The following UBE2E2 variants were observed in gnomAD, a reference collection of about 807,000 sequenced individuals.
UBE2E2 encodes ubiquitin conjugating enzyme E2 E2, also known as ubiquitin-conjugating enzyme E2 E2.
In UBE2E2, 6 loss-of-function variants were observed where a neutral mutation model predicts 24.7. The observed-to-expected ratio is 0.24, with a 90% CI of 0.13 to 0.48. The LOEUF (loss-of-function observed/expected upper bound fraction) is 0.48. Ranked by LOEUF, UBE2E2 falls within the 20% of genes least tolerant of loss-of-function variation. UBE2E2 has a pLI of 0.99. For synonymous variants in UBE2E2, 104 were observed against 83.6 expected, an observed-to-expected ratio of 1.24 and a Z score of -1.33; for missense variants, 169 against 245.0, an observed-to-expected ratio of 0.69 and a Z score of 2.07.
intron 5 of UBE2E2, among the ~76,000 whole-genome samples, chr3:23,551,842 A>G (rs1325511013): frequency 6.6e-6 from 1 of 152,190 alleles, no homozygotes; most frequent in Non-Finnish European, 1.5e-5. Context: ...GTTCTCCCCA[A>G]AATTAATATG....
intron 3 of UBE2E2, among the ~76,000 whole-genome samples, chr3:23,402,447 A>G (rs1391126644): frequency 3.3e-5 from 5 of 152,204 alleles, no homozygotes; most frequent in African/African-American, 1.2e-4. Flanking sequence ...AAACTAGTGG[A>G]CATTTCCCAA....
intron 3 of UBE2E2, among the ~76,000 whole-genome samples, chr3:23,414,260 A>G (rs541878178): frequency 6.6e-6 from 1 of 152,292 alleles, no homozygotes; most frequent in African/African-American, 2.4e-5. Context: ...GAGAGACCCC[A>G]CTGGCTGGAG....
intron 3 of UBE2E2, among the ~76,000 whole-genome samples, chr3:23,366,898 C>A (rs749799256): frequency 6.6e-6 from 1 of 152,056 alleles, no homozygotes; most frequent in Non-Finnish European, 1.5e-5. Context: ...AAACTATGTT[C>A]TAATTATAGA....
chr3:23,367,854 A>G (rs1446011076), intron 3 of UBE2E2, among the ~76,000 whole-genome samples: 2 of 152,074 alleles, frequency 1.3e-5, no homozygotes, highest in African/African-American at 2.4e-5. Context: ...TCAGAATTGA[A>G]TTGGAGGACA....
intron 5 of UBE2E2, among the ~76,000 whole-genome samples, chr3:23,554,130 T>A (rs932026369): frequency 2.0e-4 from 31 of 152,166 alleles, no homozygotes; most frequent in African/African-American, 7.0e-4. Flanking sequence ...CTTCCTAATT[T>A]TAAATTTTAT....
At chr3:23,432,404 G>T (rs961331050) in intron 3 of UBE2E2, among the ~76,000 whole-genome samples, 1 of 151,976 alleles carries the variant, frequency 6.6e-6, no homozygotes, top group Non-Finnish European at 1.5e-5. Context: ...GCATTTAAAA[G>T]CAAATTTCTA....
At chr3:23,317,633 C>A (rs1264867758) in intron 3 of UBE2E2, among the ~76,000 whole-genome samples, 4 of 152,112 alleles carry the variant, frequency 2.6e-5, no homozygotes, top group Admixed American at 2.6e-4. Flanking sequence ...TGAATGGCAG[C>A]AGACAGAGAG....
At chr3:23,234,788 G>A (rs984387881) in intron 3 of UBE2E2, among the ~76,000 whole-genome samples, 2 of 152,174 alleles carry the variant, frequency 1.3e-5, no homozygotes, top group African/African-American at 4.8e-5. Context: ...AGCGGTAAGA[G>A]TTTGTCACAG....
chr3:23,310,433 G>T (rs1356411893), intron 3 of UBE2E2, among the ~76,000 whole-genome samples: 3 of 151,450 alleles, frequency 2.0e-5, no homozygotes, highest in African/African-American at 4.9e-5. Context: ...TTTCTTGTTC[G>T]TTATTGTTAC....
chr3:23,493,535 A>G (rs546223232), intron 3 of UBE2E2, among the ~76,000 whole-genome samples: 1 of 152,132 alleles, frequency 6.6e-6, no homozygotes, highest in African/African-American at 2.4e-5. Flanking sequence ...TTTTTTTCTT[A>G]TTTAAAAAAT....
chr3:23,325,210 G>A (rs1001431548), intron 3 of UBE2E2, among the ~76,000 whole-genome samples: 11 of 152,132 alleles, frequency 7.2e-5, no homozygotes, highest in African/African-American at 2.6e-4. Flanking sequence ...CCACAATAAA[G>A]CTATTGTGTG....
At chr3:23,472,995 A>G (rs978922073) in intron 3 of UBE2E2, among the ~76,000 whole-genome samples, 4 of 152,038 alleles carry the variant, frequency 2.6e-5, no homozygotes, top group African/African-American at 9.7e-5. Context: ...CTTTATTTCA[A>G]TATAATCTAT....
rs1053375502 is a variant in UBE2E2, at chr3:23,407,193, A to T, written c.228-92415A>T. Among the ~76,000 whole-genome samples, 13 of 152,254 alleles carry T rather than the reference A, an allele frequency of 8.5e-5. No individual in the cohort carries two copies. In the East Asian group the frequency reaches 2.5e-3, roughly 29 times the overall value. ...TGACTTTCAGAATGGCCTGGAAAAA[A>T]AAAAGGTCTTGACCACTGTGCAGGT... On this transcript the variant is annotated intron_variant, in intron 3 of 5. Transcript: ENST00000396703. This position sits in a 1 kb window ranked among gnomAD's most constrained non-coding sequence, Gnocchi z 4.0.
intron 3 of UBE2E2, among the ~76,000 whole-genome samples, chr3:23,283,332 G>T (rs966994791): frequency 2.0e-5 from 3 of 152,078 alleles, no homozygotes; most frequent in African/African-American, 7.2e-5. Context: ...GACTTGAAGC[G>T]TGAACCCACT....
intron 3 of UBE2E2, among the ~76,000 whole-genome samples, chr3:23,316,930 G>C (rs905951914): frequency 6.6e-6 from 1 of 152,120 alleles, no homozygotes; most frequent in Non-Finnish European, 1.5e-5. Context: ...GGGGACCTCA[G>C]GACTCTCTCT....
At chr3:23,213,290 T>G (rs938358538) in intron 2 of UBE2E2, among the ~76,000 whole-genome samples, 31 of 152,118 alleles carry the variant, frequency 2.0e-4, no homozygotes, top group African/African-American at 7.0e-4. Flanking sequence ...TCTGAACCCT[T>G]AGCCCAATAT....
intron 3 of UBE2E2, among the ~76,000 whole-genome samples, chr3:23,489,502 C>T (rs1379125773): frequency 6.6e-6 from 1 of 152,106 alleles, no homozygotes; most frequent in Non-Finnish European, 1.5e-5. Flanking sequence ...AGATGTCATA[C>T]AGCTGGTATA....
At chr3:23,575,175 G>A (rs1011812253) in intron 5 of UBE2E2, among the ~76,000 whole-genome samples, 14 of 152,140 alleles carry the variant, frequency 9.2e-5, no homozygotes, top group African/African-American at 3.4e-4. Flanking sequence ...CATATATTAT[G>A]TAGTTTGTCT....
At chr3:23,389,165 G>T (rs3104242) in intron 3 of UBE2E2, among the ~76,000 whole-genome samples, 1 of 152,120 alleles carries the variant, frequency 6.6e-6, no homozygotes, top group African/African-American at 2.4e-5. Flanking sequence ...AATAATCTAT[G>T]TTTTTTTGTC....
Sources: allele counts gnomAD v4.1 joint callset (sites outside exome capture counted in the v4.1 genomes callset), GRCh38; gene constraint gnomAD v4.1.1; non-coding constraint Gnocchi (gnomAD v3.1); transcripts MANE v1.5; gene names NCBI Gene and HGNC (gene_info 2026-07-23, HGNC 2026-07-21).